UNC5C: variants seen among roughly 807,000 people sequenced by gnomAD.
UNC5C encodes the protein netrin receptor UNC5C.
Under a neutral mutation model 99.8 loss-of-function variants are expected in UNC5C, and 47 were observed. That is an observed-to-expected ratio of 0.47 (90% CI 0.37 to 0.60). The LOEUF is 0.60. UNC5C is among the 20% of genes least tolerant of loss of function. The probability of loss-of-function intolerance (pLI) is 0.00; values close to 1 mark genes in which losing one functional copy is unlikely to be tolerated. For synonymous variants in UNC5C, 487 were observed against 452.2 expected (o/e 1.08, Z -0.98); for missense variants, 1,062 against 1,165.9 (o/e 0.91, Z 1.30).
At chr4:95,432,276 C>A (rs1035459677) in intron 1 of UNC5C, among the ~76,000 whole-genome samples, 3 of 152,012 alleles carry the variant, frequency 2.0e-5, no homozygotes, top group Admixed American at 2.0e-4. Context: ...ATCGTTCCTG[C>A]AGTATCATTG....
At chr4:95,489,990 A>C (rs1371981945) in intron 1 of UNC5C, among the ~76,000 whole-genome samples, 1 of 151,668 alleles carries the variant, frequency 6.6e-6, no homozygotes, top group Non-Finnish European at 1.5e-5. Flanking sequence ...AAGGATAATC[A>C]GAACCATGGC....
At chr4:95,235,751 C>T (rs571806565) in intron 7 of UNC5C, among the ~76,000 whole-genome samples, 71 of 152,242 alleles carry the variant, frequency 4.7e-4, no homozygotes, top group African/African-American at 1.6e-3. Flanking sequence ...ATCCTTTCCC[C>T]GTTTCTTGTT....
intron 2 of UNC5C, among the ~76,000 whole-genome samples, chr4:95,324,975 A>G (rs534326101): frequency 1.3e-5 from 2 of 152,342 alleles, no homozygotes; most frequent in East Asian, 1.9e-4. Context: ...TATAATTACT[A>G]CAGTGTTTCC....
intron 1 of UNC5C, among the ~76,000 whole-genome samples, chr4:95,437,859 T>C (rs116033370): frequency 0.02 from 2,975 of 152,142 alleles, 82 homozygotes; most frequent in African/African-American, 0.062. Flanking sequence ...AGAAATAAAA[T>C]AGAGTGGTAG....
chr4:95,512,854 T>A (rs1046752159), intron 1 of UNC5C, among the ~76,000 whole-genome samples: 4 of 152,182 alleles, frequency 2.6e-5, no homozygotes, highest in Non-Finnish European at 5.9e-5. Context: ...AAAAATTAAT[T>A]TCCAGGTAAT....
At chr4:95,317,237 A>G (rs1742510287) in intron 2 of UNC5C, among the ~76,000 whole-genome samples, 1 of 152,150 alleles carries the variant, frequency 6.6e-6, no homozygotes, top group Non-Finnish European at 1.5e-5. Flanking sequence ...CTTTGGAGGC[A>G]GTTTAGTAGT....
chr4:95,228,140 A>G (rs1361359498), intron 7 of UNC5C, among the ~76,000 whole-genome samples: 1 of 152,182 alleles, frequency 6.6e-6, no homozygotes, highest in Non-Finnish European at 1.5e-5. Context: ...ATATACCTAA[A>G]TGTAGCCTGT....
At chr4:95,183,085 C>G in intron 13 of UNC5C, 24 bp from the exon 14 acceptor site, 1 of 1,586,602 alleles carries the variant, frequency 6.3e-7, no homozygotes, top group Non-Finnish European at 8.6e-7. Context: ...AAGTGTTAAC[C>G]ACAATTGAAG....
chr4:95,257,671 A>G (rs1460745006), intron 4 of UNC5C, among the ~76,000 whole-genome samples: 2 of 152,252 alleles, frequency 1.3e-5, no homozygotes, highest in African/African-American at 4.8e-5. Flanking sequence ...CAGCTAGCAC[A>G]GCATGATTTT....
At chr4:95,380,309 C>CA (rs1292777854) in intron 1 of UNC5C, among the ~76,000 whole-genome samples, 6 of 152,188 alleles carry the variant, frequency 3.9e-5, no homozygotes, top group Admixed American at 3.9e-4. Flanking sequence ...TCAAGGTGAT[C>CA]AGTTTACATT....
intron 1 of UNC5C, among the ~76,000 whole-genome samples, chr4:95,341,464 AAAGAAAG>A (rs1743574536): frequency 6.7e-6 from 1 of 150,318 alleles, no homozygotes; most frequent in South Asian, 2.1e-4. Flanking sequence ...AGAAAGAGAG[AAAGAAAG>A]AAGAAAGAGA....
At chr4:95,206,580 C>T in intron 11 of UNC5C, 48 bp downstream of exon 11, 1 of 1,610,376 alleles carries the variant, frequency 6.2e-7, no homozygotes, top group Non-Finnish European at 8.5e-7. Context: ...TCCTGCTTAT[C>T]TGCATGGATT....
At chr4:95,361,081 G>T (rs951341391) in intron 1 of UNC5C, among the ~76,000 whole-genome samples, 1 of 152,104 alleles carries the variant, frequency 6.6e-6, no homozygotes, top group Non-Finnish European at 1.5e-5. Context: ...GTTTGAGAGA[G>T]CAATGGATTG....
chr4:95,494,446 T>G (rs551127506), intron 1 of UNC5C, among the ~76,000 whole-genome samples: 3 of 151,462 alleles, frequency 2.0e-5, no homozygotes, highest in Non-Finnish European at 4.4e-5. Context: ...TAATTTGCAC[T>G]GGAGATATTT....
chr4:95,542,026 C>T (rs977523587), intron 1 of UNC5C, among the ~76,000 whole-genome samples: 1 of 152,012 alleles, frequency 6.6e-6, no homozygotes, highest in African/African-American at 2.4e-5. Flanking sequence ...TTATAGCTCT[C>T]ATAATTGCTG....
chr4:95,521,123 G>A (rs1403741221), intron 1 of UNC5C, among the ~76,000 whole-genome samples: 1 of 151,868 alleles, frequency 6.6e-6, no homozygotes, highest in Non-Finnish European at 1.5e-5. Flanking sequence ...TCTTGGTGAG[G>A]GCTCTTTCTG....
At chr4:95,478,414 A>C (rs11731410) in intron 1 of UNC5C, among the ~76,000 whole-genome samples, 3,301 of 152,128 alleles carry the variant, frequency 0.022, 59 homozygotes, top group Middle Eastern at 0.031. Context: ...TTTGCTTTGC[A>C]TATCAGCTAA....
Position 95,244,871 on chromosome 4 carries a change from G to A in UNC5C, c.943+106C>T, listed in dbSNP as rs1739445451. On this transcript the variant is annotated intron_variant, in intron 6 of 15. Coordinates refer to ENST00000453304, the MANE Select transcript of UNC5C (RefSeq NM_003728.4). ...AGTGAGTAGGATGGATTTAAATAAC[G>A]TTCATCACACATTCAGATCAAGAAT... The A allele has an allele frequency of 8.4e-6, 12 of 1,422,868 alleles. No individual in the cohort carries two copies. In the Admixed American group the frequency reaches 1.2e-4, roughly 14 times the overall value. The allele number at this position is 1,422,868 out of a possible 1,614,324, so 88.1% of individuals were successfully genotyped here. A position where few individuals can be genotyped will look rare whatever the true frequency, so the allele number is the denominator to read the frequency against.
intron 4 of UNC5C, among the ~76,000 whole-genome samples, chr4:95,264,500 G>T (rs1466525159): frequency 6.6e-6 from 1 of 151,876 alleles, no homozygotes; most frequent in Non-Finnish European, 1.5e-5. Context: ...CTCCCCCAAT[G>T]CTCTTTCTTT....
Sources: allele counts gnomAD v4.1 joint callset (sites outside exome capture counted in the v4.1 genomes callset), GRCh38; gene constraint gnomAD v4.1.1; transcripts MANE v1.5; gene names NCBI Gene and HGNC (gene_info 2026-07-23, HGNC 2026-07-21).